The following ZMAT4 variants were observed in gnomAD, a reference collection of about 807,000 sequenced individuals.
ZMAT4 encodes the protein zinc finger matrin-type protein 4.
Under a neutral mutation model 28.7 loss-of-function variants are expected in ZMAT4, and 17 were observed. That is an observed-to-expected ratio of 0.59 (90% CI 0.41 to 0.89). The LOEUF (loss-of-function observed/expected upper bound fraction) is 0.89. Among genes scored for constraint, ZMAT4 ranks in the 40% least tolerant of loss-of-function variants. The probability of loss-of-function intolerance (pLI) is 0.00; values close to 1 mark genes in which losing one functional copy is unlikely to be tolerated. For synonymous variants in ZMAT4, 117 were observed against 109.2 expected (o/e 1.07, Z -0.44); for missense variants, 240 against 283.8 (o/e 0.85, Z 1.11).
At chr8:40,563,509 G>A (rs1337325808) in intron 6 of ZMAT4, among the ~76,000 whole-genome samples, 1 of 152,104 alleles carries the variant, frequency 6.6e-6, no homozygotes, top group Non-Finnish European at 1.5e-5. Context: ...AACATGCTAG[G>A]AAACCATAAA....
At chr8:40,587,780 A>T (rs547618749) in intron 5 of ZMAT4, among the ~76,000 whole-genome samples, 1 of 152,196 alleles carries the variant, frequency 6.6e-6, no homozygotes, top group South Asian at 2.1e-4. Flanking sequence ...TAATATTTAC[A>T]TTACATATAA....
intron 4 of ZMAT4, among the ~76,000 whole-genome samples, chr8:40,686,280 T>C (rs948851120): frequency 6.6e-6 from 1 of 151,786 alleles, no homozygotes; most frequent in African/African-American, 2.4e-5. Context: ...TTTGGGAGGC[T>C]GAGGTGGGAA....
chr8:40,619,529 G>T (rs900433770), intron 5 of ZMAT4, among the ~76,000 whole-genome samples: 2 of 152,144 alleles, frequency 1.3e-5, no homozygotes, highest in African/African-American at 4.8e-5. Flanking sequence ...GGAAATGCAG[G>T]AAAGGGCTCT....
At chr8:40,855,152 T>C (rs899577450) in intron 1 of ZMAT4, among the ~76,000 whole-genome samples, 1 of 152,184 alleles carries the variant, frequency 6.6e-6, no homozygotes. Flanking sequence ...ACTTCAAAAA[T>C]TGGCCACCTG....
At chr8:40,653,405 C>T (rs1222444558) in intron 5 of ZMAT4, among the ~76,000 whole-genome samples, 1 of 151,634 alleles carries the variant, frequency 6.6e-6, no homozygotes, top group Non-Finnish European at 1.5e-5. Context: ...GGAAATAATA[C>T]ATTAGAATAG....
chr8:40,571,358 G>GAT (rs1804092258), intron 6 of ZMAT4, among the ~76,000 whole-genome samples: 1 of 152,114 alleles, frequency 6.6e-6, no homozygotes, highest in Admixed American at 6.6e-5. Context: ...TAGATATAGA[G>GAT]ATACATATAC....
At chr8:40,675,668 T>C (rs1808879294) in intron 4 of ZMAT4, among the ~76,000 whole-genome samples, 1 of 152,178 alleles carries the variant, frequency 6.6e-6, no homozygotes, top group African/African-American at 2.4e-5. Context: ...ATAAATGTAA[T>C]TAACCAATAA....
At chr8:40,694,301 T>C (rs1809780985) in intron 4 of ZMAT4, among the ~76,000 whole-genome samples, 1 of 152,216 alleles carries the variant, frequency 6.6e-6, no homozygotes, top group African/African-American at 2.4e-5. Flanking sequence ...CAGTGCCTCC[T>C]GGTCTTTCTC....
chr8:40,669,004 G>C (rs182434026), intron 5 of ZMAT4, among the ~76,000 whole-genome samples: 2 of 152,062 alleles, frequency 1.3e-5, no homozygotes, highest in Admixed American at 6.6e-5. Flanking sequence ...CATAGGTCAG[G>C]GGGGTCAGGA....
intron 1 of ZMAT4, among the ~76,000 whole-genome samples, chr8:40,852,110 T>A (rs2150636217): frequency 6.6e-6 from 1 of 152,258 alleles, no homozygotes; most frequent in East Asian, 1.9e-4. Context: ...AGTCTTGAAC[T>A]CCTGACCTCA....
intron 3 of ZMAT4, among the ~76,000 whole-genome samples, chr8:40,702,514 A>G (rs1002006172): frequency 1.3e-5 from 2 of 152,246 alleles, no homozygotes; most frequent in Non-Finnish European, 2.9e-5. Flanking sequence ...TTGCAAAGTT[A>G]AAAAGTTTTC....
chr8:40,776,287 A>C (rs1443520164), intron 2 of ZMAT4, among the ~76,000 whole-genome samples: 1 of 152,256 alleles, frequency 6.6e-6, no homozygotes, highest in African/African-American at 2.4e-5. Context: ...AGTGAGGAAC[A>C]CTTACCATAA....
intron 2 of ZMAT4, among the ~76,000 whole-genome samples, chr8:40,812,160 CT>C (rs1193920567): frequency 2.6e-5 from 4 of 152,006 alleles, no homozygotes; most frequent in African/African-American, 9.7e-5. Flanking sequence ...AAATACATGC[CT>C]ACATACACTG....
chr8:40,799,344 A>G (rs1814739713), intron 2 of ZMAT4, among the ~76,000 whole-genome samples: 2 of 151,932 alleles, frequency 1.3e-5, no homozygotes. Context: ...ATAGTTTAAA[A>G]CTGTTTCTGT....
chr8:40,687,680 G>A (rs941107593), intron 4 of ZMAT4, among the ~76,000 whole-genome samples: 7 of 152,108 alleles, frequency 4.6e-5, no homozygotes, highest in Non-Finnish European at 7.3e-5. Context: ...GTATCAAAAA[G>A]GATGGACTAA....
At chr8:40,801,365 T>TATATATATATATATATATATATAC (rs1554559774) in intron 2 of ZMAT4, among the ~76,000 whole-genome samples, 10 of 144,360 alleles carry the variant, frequency 6.9e-5, no homozygotes, top group African/African-American at 2.4e-4. Flanking sequence ...TATATATATA[T>TATATATATATATATATATATATAC]ATATATACAT....
chr8:40,668,942 A>C (rs1808558147), intron 5 of ZMAT4, among the ~76,000 whole-genome samples: 1 of 151,836 alleles, frequency 6.6e-6, no homozygotes. Flanking sequence ...TTCAACATTG[A>C]AGGTGTCAAA....
intron 3 of ZMAT4, among the ~76,000 whole-genome samples, chr8:40,767,160 G>A (rs7836926): frequency 0.17 from 25,829 of 152,050 alleles, 3,468 homozygotes; most frequent in East Asian, 0.6. Context: ...TCCTTCAGAG[G>A]GAGGGATCAA....
intron 4 of ZMAT4, among the ~76,000 whole-genome samples, chr8:40,686,315 G>A (rs1194025044): frequency 6.6e-6 from 1 of 151,848 alleles, no homozygotes; most frequent in Non-Finnish European, 1.5e-5. Context: ...AGGAGTTCAA[G>A]ACCAGCCTGG....
Sources: allele counts gnomAD v4.1 joint callset (sites outside exome capture counted in the v4.1 genomes callset), GRCh38; gene constraint gnomAD v4.1.1; transcripts MANE v1.5; gene names NCBI Gene and HGNC (gene_info 2026-07-23, HGNC 2026-07-21).